The following LRBA variants were observed in gnomAD, a reference collection of about 807,000 sequenced individuals.
The protein encoded by LRBA is LPS responsive beige-like anchor protein, also known as lipopolysaccharide-responsive and beige-like anchor protein.
A neutral mutation model predicts 330.0 loss-of-function variants in LRBA; 176 were observed. The ratio of observed to expected loss-of-function variants is 0.53; its 90% confidence interval spans 0.47 to 0.60. LRBA has a LOEUF of 0.60. Ranked by LOEUF, LRBA falls within the 20% of genes least tolerant of loss-of-function variation. The probability of loss-of-function intolerance (pLI) is 0.00; values close to 1 mark genes in which losing one functional copy is unlikely to be tolerated. For synonymous variants in LRBA, 1,230 were observed against 1,193.0 expected, an observed-to-expected ratio of 1.03 and a Z score of -0.64; for missense variants, 3,259 against 3,444.8, an observed-to-expected ratio of 0.95 and a Z score of 1.35.
At chr4:150,555,489 G>A (rs747708773) in intron 40 of LRBA, among the ~76,000 whole-genome samples, 1 of 152,100 alleles carries the variant, frequency 6.6e-6, no homozygotes, top group Non-Finnish European at 1.5e-5. Flanking sequence ...CTGGGTGCAC[G>A]CCTGTAATCC....
chr4:150,684,835 G>C (rs572674286), intron 36 of LRBA, among the ~76,000 whole-genome samples: 1 of 152,164 alleles, frequency 6.6e-6, no homozygotes, highest in Admixed American at 6.5e-5. Context: ...TATGCATTGT[G>C]GATGCTTGCC....
At chr4:150,780,000 T>G (rs1737942056) in intron 34 of LRBA, among the ~76,000 whole-genome samples, 1 of 152,198 alleles carries the variant, frequency 6.6e-6, no homozygotes, top group East Asian at 1.9e-4. Context: ...GAACTCTTTC[T>G]GCTGACTTCT....
intron 2 of LRBA, among the ~76,000 whole-genome samples, chr4:150,945,902 C>A (rs1215559094): frequency 6.6e-6 from 1 of 151,780 alleles, no homozygotes; most frequent in Admixed American, 6.6e-5. Context: ...CAGGTTCAAG[C>A]GATTCTCCTG....
At chr4:150,829,480 T>G (rs1746831977) in intron 29 of LRBA, among the ~76,000 whole-genome samples, 1 of 152,190 alleles carries the variant, frequency 6.6e-6, no homozygotes, top group African/African-American at 2.4e-5. Flanking sequence ...ACTCCAATGG[T>G]CAGTGTTCAG....
chr4:150,796,710 A>T (rs1326685463), intron 34 of LRBA, among the ~76,000 whole-genome samples: 1 of 151,968 alleles, frequency 6.6e-6, no homozygotes, highest in Admixed American at 6.6e-5. Context: ...CGATTCTTCT[A>T]AACTAGAAAG....
At chr4:150,720,939 AT>A in intron 36 of LRBA, 1 of 416,338 alleles carries the variant, frequency 2.4e-6, no homozygotes. Flanking sequence ...TTCTAAGGGA[AT>A]TTAAGTGTTA....
At chr4:150,913,222 C>G (rs552419306) in intron 9 of LRBA, among the ~76,000 whole-genome samples, 1 of 152,310 alleles carries the variant, frequency 6.6e-6, no homozygotes, top group South Asian at 2.1e-4. Flanking sequence ...AATCCCAGCA[C>G]TTTGGGAAGC....
intron 34 of LRBA, among the ~76,000 whole-genome samples, chr4:150,785,142 T>C (rs1249306035): frequency 1.3e-5 from 2 of 152,108 alleles, no homozygotes; most frequent in South Asian, 2.1e-4. Context: ...GGCCAGTTAG[T>C]CAGGAGTGCT....
chr4:150,806,270 C>T lies in LRBA; in HGVS notation c.5518+1G>A. 1 of 1,562,246 alleles carries T rather than the reference C, an allele frequency of 6.4e-7. No individual in the cohort carries two copies. Among genetic ancestry groups the T allele is most frequent in the African/African-American group, 1.4e-5 (1 of 71,774 alleles). Reference sequence around the variant, plus strand: ...AAATAAAATAAAGAAAAACCACTTACTTGTTCCTTCTATAAGCAGTTCTTG... The same window carrying T: ...AAATAAAATAAAGAAAAACCACTTATTTGTTCCTTCTATAAGCAGTTCTTG... On this transcript the variant is annotated splice_donor_variant, in intron 33 of 56. Transcript: ENST00000651943. LOFTEE classifies it high-confidence loss of function.
chr4:150,505,325 T>G (rs1760906300), intron 40 of LRBA, among the ~76,000 whole-genome samples: 1 of 152,112 alleles, frequency 6.6e-6, no homozygotes, highest in East Asian at 1.9e-4. Flanking sequence ...ACCACATAGT[T>G]GGAAGTAAAG....
chr4:150,346,935 A>G (rs953777805), intron 48 of LRBA, among the ~76,000 whole-genome samples: 11 of 152,322 alleles, frequency 7.2e-5, no homozygotes, highest in Admixed American at 7.2e-4. Flanking sequence ...CACATTGTTC[A>G]TAATAGCCAA....
At chr4:150,804,019 C>T (rs1026868268) in intron 33 of LRBA, among the ~76,000 whole-genome samples, 3 of 151,856 alleles carry the variant, frequency 2.0e-5, no homozygotes, top group African/African-American at 7.3e-5. Context: ...ATCTTACTCA[C>T]TGTAATAAAA....
chr4:150,697,351 A>AAAAAAAAAAAAAAAAAAAAAAAC (rs1491393713), intron 36 of LRBA, among the ~76,000 whole-genome samples: 1 of 148,086 alleles, frequency 6.8e-6, no homozygotes, highest in Non-Finnish European at 1.5e-5. Flanking sequence ...AAAAAAAAAA[A>AAAAAAAAAAAAAAAAAAAAAAAC]CAGGGAGAGT....
At chr4:150,863,761 TATAA>T (rs1390711429) in intron 22 of LRBA, among the ~76,000 whole-genome samples, 1 of 152,166 alleles carries the variant, frequency 6.6e-6, no homozygotes, top group East Asian at 1.9e-4. Flanking sequence ...GAAAACTGGA[TATAA>T]ATACTTAGTC....
intron 34 of LRBA, among the ~76,000 whole-genome samples, chr4:150,763,384 T>C (rs1301122471): frequency 6.6e-6 from 1 of 152,020 alleles, no homozygotes; most frequent in Non-Finnish European, 1.5e-5. Context: ...AATTCATGAC[T>C]TGTAATTGTA....
chr4:150,736,316 G>C (rs1388106445), intron 35 of LRBA, among the ~76,000 whole-genome samples: 1 of 152,102 alleles, frequency 6.6e-6, no homozygotes, highest in African/African-American at 2.4e-5. Context: ...AGGCACAAGA[G>C]ACAATATCAT....
intron 34 of LRBA, among the ~76,000 whole-genome samples, chr4:150,774,139 T>C (rs1736950018): frequency 6.6e-6 from 1 of 152,218 alleles, no homozygotes; most frequent in South Asian, 2.1e-4. Context: ...CAAGGATGTT[T>C]TGTTTAATTA....
Position 150,321,954 on chromosome 4 carries a change from C to T in LRBA, c.7453-586G>A, listed in dbSNP as rs140802591. ...TTACAGTAGAGAAATAACTTATGAACGTAATATACAAACTTAATTATAAAG... is the reference window on the plus strand; with the variant it reads ...TTACAGTAGAGAAATAACTTATGAATGTAATATACAAACTTAATTATAAAG... On this transcript the variant is annotated intron_variant, in intron 49 of 56. Coordinates refer to ENST00000651943, the MANE Select transcript of LRBA (RefSeq NM_001364905.1). The surrounding 1 kb of genome is among the most constrained non-coding windows in gnomAD (Gnocchi z 4.5). 1.6e-3 allele frequency among the ~76,000 whole-genome samples: 250 copies of T among 152,168 alleles called. No homozygotes were observed. The highest frequency in any genetic ancestry group is 5.2e-3 in the South Asian group (25 of 4,830).
At chr4:150,630,363 C>T (rs1048694354) in intron 37 of LRBA, among the ~76,000 whole-genome samples, 11 of 151,028 alleles carry the variant, frequency 7.3e-5, no homozygotes, top group African/African-American at 2.2e-4. Flanking sequence ...CTTACAGCAG[C>T]GATGCCCAAA....
Sources: allele counts gnomAD v4.1 joint callset (sites outside exome capture counted in the v4.1 genomes callset), GRCh38; gene constraint gnomAD v4.1.1; non-coding constraint Gnocchi (gnomAD v3.1); transcripts MANE v1.5; gene names NCBI Gene and HGNC (gene_info 2026-07-23, HGNC 2026-07-21).